Variants in NPDC1 observed in about 807,000 individuals in gnomAD.
NPDC1 encodes neural proliferation differentiation and control protein 1.
A neutral mutation model predicts 32.5 loss-of-function variants in NPDC1; 18 were observed. The ratio of observed to expected loss-of-function variants is 0.55; its 90% CI spans 0.38 to 0.82. The LOEUF (loss-of-function observed/expected upper bound fraction) is 0.82, where lower values mean the gene tolerates loss of function less well. NPDC1 is among the 40% of genes least tolerant of loss of function. NPDC1 has a pLI of 0.00. For missense variants in NPDC1, 468 were observed against 406.6 expected, an observed-to-expected ratio of 1.15 and a Z score of -1.30; for synonymous variants, 210 against 184.7, an observed-to-expected ratio of 1.14 and a Z score of -1.11.
In NPDC1 at chr9:137,042,946, G is replaced by C. The variant is rs1263633974; in HGVS notation, c.240C>G (p.Pro80=). Residue 80 remains proline, a synonymous_variant, in exon 2 of 9, where the codon CCC becomes CCG. Coordinates refer to ENST00000371601, the MANE Select transcript of NPDC1 (RefSeq NM_015392.4). The part of the protein sequence containing the change: ...FQEDQQGLCV[P]RMRRPPGGGR... ...TCGTACCTGGAGGCCGGCGCATCCT[G>C]GGCACACAGAGCCCTTGCTGGTCCT... 6.2e-7 allele frequency: 1 copy of C among 1,604,072 alleles called. No homozygotes were observed. The highest frequency in any genetic ancestry group is 8.5e-7 in the Non-Finnish European group (1 of 1,174,056).
rs761467096 is a variant in NPDC1, at chr9:137,040,414, T to G, written c.731A>C (p.Gln244Pro). Residue 244 changes from glutamine (Q) to proline (P), a missense_variant, in exon 7 of 9, where the codon CAG (glutamine) becomes CCG (proline). Physicochemically the swap from Gln to Pro is moderately conservative, Grantham distance 76 (BLOSUM62 -1). Transcript: ENST00000371601. ...CTGGTAGTGGTACATCTCCGCGCTC[T>G]GTGCCAGCCGCTGGTCCCCAGGCTG... ...RISPGDQRLA[Q>P]SAEMYHYQHQ... 5 of 1,550,424 alleles carry G rather than the reference T, an allele frequency of 3.2e-6. No individual in the cohort carries two copies. In the African/African-American group the frequency reaches 6.8e-5, roughly 21 times the overall value.
At position 137,040,572 on chromosome 9, in the gene NPDC1, T is replaced by G; in HGVS notation, c.650A>C (p.Gln217Pro). ...CTTCGCAGTGGCGTAGTCGGCCTTC[T>G]GAGTCAGGCGGATCTCACGCTGCAG... ...CRLQREIRLT[Q>P]KADYATAKAP... The change falls in exon 6 of 9, where the codon CAG (glutamine) becomes CCG (proline). Residue 217 changes from glutamine to proline, a missense_variant. Physicochemically the swap from Gln to Pro is moderately conservative, Grantham distance 76. Transcript: ENST00000371601. 6.3e-7 allele frequency: 1 copy of G among 1,580,090 alleles called. No homozygotes were observed. The highest frequency in any genetic ancestry group is 8.6e-7 in the Non-Finnish European group (1 of 1,168,902).
chr9:137,039,673 C>T lies in NPDC1; in HGVS notation c.*99G>A, dbSNP rs1733660930. On this transcript the variant is annotated 3_prime_UTR_variant, in exon 9 of 9. Coordinates refer to ENST00000371601, the MANE Select transcript of NPDC1 (RefSeq NM_015392.4). Reference sequence around the variant, plus strand: ...GGAGCCCGAGGCCCAGCCAAAAGCACACAGCATCAAAACATGTTTTTAGTG... The same window carrying T: ...GGAGCCCGAGGCCCAGCCAAAAGCATACAGCATCAAAACATGTTTTTAGTG... 1.6e-6 allele frequency: 1 copy of T among 613,716 alleles called. No homozygotes were observed. The highest frequency in any genetic ancestry group is 2.9e-5 in the Admixed American group (1 of 34,088). The allele number at this position is 613,716 out of a possible 1,614,324, so 38.0% of individuals were successfully genotyped here.
chr9:137,040,375 T>G lies in NPDC1; in HGVS notation c.770A>C (p.Gln257Pro). The change falls in exon 7 of 9, where the codon CAG (glutamine) becomes CCG (proline). Residue 257 changes from glutamine to proline, a missense_variant. Physicochemically the swap from Gln to Pro is moderately conservative, Grantham distance 76. Coordinates refer to ENST00000371601, the MANE Select transcript of NPDC1 (RefSeq NM_015392.4). ...EMYHYQHQRQ[Q>P]MLCLERHKEP... ...CACTCACCGCTCCAGGCACAGCATC[T>G]GTTGCCGTTGGTGCTGGTAGTGGTA... 1 of 1,545,830 alleles carries G rather than the reference T, an allele frequency of 6.5e-7. No individual in the cohort carries two copies. The highest frequency in any genetic ancestry group is 8.7e-7 in the Non-Finnish European group (1 of 1,146,734).
rs1360019710 is a variant in NPDC1, at chr9:137,042,734, T to C, written c.259+193A>G. 5 of 620,182 alleles carry C rather than the reference T, an allele frequency of 8.1e-6. No homozygotes were observed. The African/African-American group carries it at 9.2e-5, about 11-fold the overall frequency. 38.4% of individuals were successfully genotyped at this position (620,182 alleles called of 1,614,324 possible). On this transcript the variant is annotated intron_variant, in intron 2 of 8. Coordinates refer to ENST00000371601, the MANE Select transcript of NPDC1 (RefSeq NM_015392.4). ...GCCACCACACCCGGCTACTTTGTATTTTTAGTAGAGACGGGGTTTCACCAT... is the reference window on the plus strand; with the variant it reads ...GCCACCACACCCGGCTACTTTGTATCTTTAGTAGAGACGGGGTTTCACCAT...
chr9:137,042,917 G>A lies in NPDC1; in HGVS notation c.259+10C>T. 1 of 1,586,936 alleles carries A rather than the reference G, an allele frequency of 6.3e-7. No homozygotes were observed. Among genetic ancestry groups the A allele is most frequent in the Non-Finnish European group, 8.6e-7 (1 of 1,164,942 alleles). ...CATCCCCCCATCGACTTCCCCCTTT[G>A]CTCTCGTACCTGGAGGCCGGCGCAT... On this transcript the variant is annotated intron_variant, in intron 2 of 8. Transcript: ENST00000371601.
rs112920677 is a variant in NPDC1, at chr9:137,045,839, C to T, written c.112+39G>A. ...GGTCCCCGCCCGGCGATCCCGGCCC[C>T]GGGGCGCCCCGCGGCCTGCGCCCAG... is the stretch of plus-strand genomic sequence containing the variant. On this transcript the variant is annotated intron_variant, in intron 1 of 8. Coordinates refer to ENST00000371601, the MANE Select transcript of NPDC1 (RefSeq NM_015392.4). 2.7e-3 allele frequency: 2,654 copies of T among 993,458 alleles called. 65 individuals carry two copies. In the African/African-American group the frequency reaches 0.043, roughly 16 times the overall value. The allele number at this position is 993,458 out of a possible 1,614,324, so 61.5% of individuals were successfully genotyped here.
intron 2 of NPDC1, among the ~76,000 whole-genome samples, chr9:137,042,629 G>A (rs114340242): frequency 0.017 from 2,515 of 144,008 alleles, 71 homozygotes; most frequent in African/African-American, 0.06. Context: ...GTGGTGAATC[G>A]GCTCACTGCA....
In NPDC1 at chr9:137,040,907, G is replaced by A. The variant is rs553346618; in HGVS notation, c.463C>T (p.Pro155Ser). Residue 155 changes from proline (P) to serine (S), a missense_variant, in exon 4 of 9, where the codon CCC (proline) becomes TCC (serine). Coordinates refer to ENST00000371601, the MANE Select transcript of NPDC1 (RefSeq NM_015392.4). ...ACAGGGGAGCCCAGGGAGGTGTGGG[G>A]CGTGGGCGTGGGGGTTCCTGGAGTG... Reference protein sequence around the residue: ...PSTPGTPTPTPHTSLGSPVSS... With the variant: ...PSTPGTPTPTSHTSLGSPVSS... 1.8e-5 allele frequency: 28 copies of A among 1,574,982 alleles called. No individual in the cohort carries two copies. The African/African-American group carries it at 2.2e-4, about 12-fold the overall frequency.
In NPDC1 at chr9:137,040,845, G is replaced by C. The variant is rs140230343; in HGVS notation, c.525C>G (p.Pro175=). The C allele has an allele frequency of 2.2e-4, 349 of 1,596,910 alleles. No individual in the cohort carries two copies. In the African/African-American group the frequency reaches 4.2e-3, roughly 19 times the overall value. The change falls in exon 4 of 9, where the codon CCC becomes CCG. Residue 175 remains proline (P), a synonymous_variant. Transcript: ENST00000371601. ...CGAGGCCGTCGCCTTGCCCTCCCCG[G>C]GGCTCCAGGGGCGACATGTGCACCG... is the stretch of plus-strand genomic sequence containing the variant. ...SDPVHMSPLE[P]RGGQGDGLAL...
chr9:137,045,163 G>C (rs1029365935), intron 1 of NPDC1, among the ~76,000 whole-genome samples: 2 of 152,246 alleles, frequency 1.3e-5, no homozygotes, highest in African/African-American at 2.4e-5. Context: ...GGACCCATCT[G>C]TGCAGGTGAG....
In NPDC1 at chr9:137,042,921, T is replaced by C; in HGVS notation, c.259+6A>G. 1 of 1,589,972 alleles carries C rather than the reference T, an allele frequency of 6.3e-7. No individual in the cohort carries two copies. Among genetic ancestry groups the C allele is most frequent in the African/African-American group, 1.3e-5 (1 of 74,316 alleles). On this transcript the variant is annotated splice_donor_region_variant and intron_variant, in intron 2 of 8. Transcript: ENST00000371601. Reference sequence around the variant, plus strand: ...CCCCCATCGACTTCCCCCTTTGCTCTCGTACCTGGAGGCCGGCGCATCCTG... The same window carrying C: ...CCCCCATCGACTTCCCCCTTTGCTCCCGTACCTGGAGGCCGGCGCATCCTG...
intron 1 of NPDC1, chr9:137,043,585 T>C (rs1479471764): frequency 5.3e-6 from 3 of 566,586 alleles, no homozygotes; most frequent in South Asian, 4.7e-5. Flanking sequence ...GGGATGCTGC[T>C]CCTCCAGCCT....
At position 137,039,729 on chromosome 9, in the gene NPDC1, G is replaced by A; in HGVS notation, c.*43C>T. ...CTCCAGGCCCTGCCCCTCCCCGGGG[G>A]CCTCGAGGTCGGGGAGCAGGTGGGC... On this transcript the variant is annotated 3_prime_UTR_variant, in exon 9 of 9. Coordinates refer to ENST00000371601, the MANE Select transcript of NPDC1 (RefSeq NM_015392.4). 3 of 718,024 alleles carry A rather than the reference G, an allele frequency of 4.2e-6. No homozygotes were observed. The highest frequency in any genetic ancestry group is 2.5e-5 in the East Asian group (1 of 39,874). The allele number at this position is 718,024 out of a possible 1,614,324, so 44.5% of individuals were successfully genotyped here.
intron 1 of NPDC1, chr9:137,043,513 C>T (rs998401867): frequency 8.2e-6 from 5 of 609,054 alleles, no homozygotes; most frequent in Admixed American, 5.8e-5. Context: ...ATGCCGCCAG[C>T]GACCTCTCCT....
intron 7 of NPDC1, 107 bp downstream of exon 7, chr9:137,040,250 G>A: frequency 9.4e-7 from 1 of 1,066,086 alleles, no homozygotes; most frequent in South Asian, 1.5e-5. Context: ...GTGCAGGTGA[G>A]GGTGGCAGGG....
At chr9:137,045,769 G>T (rs1376274892) in intron 1 of NPDC1, 109 bp downstream of exon 1, 2 of 649,602 alleles carry the variant, frequency 3.1e-6, no homozygotes, top group Non-Finnish European at 3.8e-6. Flanking sequence ...GGCCTGCAGG[G>T]CCTGCGGGCC....
rs1832080328 is a variant in NPDC1, at chr9:137,042,964, C to T, written c.222G>A (p.Gln74=). 6.2e-7 allele frequency: 1 copy of T among 1,610,672 alleles called. No individual in the cohort carries two copies. The highest frequency in any genetic ancestry group is 1.1e-5 in the South Asian group (1 of 90,988). Residue 74 remains glutamine, a synonymous_variant, in exon 2 of 9, where the codon CAG becomes CAA. Coordinates refer to ENST00000371601, the MANE Select transcript of NPDC1 (RefSeq NM_015392.4). The stretch of plus-strand genomic sequence containing the variant: ...GCATCCTGGGCACACAGAGCCCTTG[C>T]TGGTCCTCCTGGAAGGGCTGAAGGC... ...GPCLQPFQED[Q]QGLCVPRMRR...
chr9:137,045,967 G>T lies in NPDC1; in HGVS notation c.23C>A (p.Pro8His). The change falls in exon 1 of 9, where the codon CCC (proline) becomes CAC (histidine). Residue 8 changes from proline (P) to histidine (H), a missense_variant. Coordinates refer to ENST00000371601, the MANE Select transcript of NPDC1 (RefSeq NM_015392.4). MATPLPPPSPRHLRLLRL... is the reference protein window; with the variant it reads MATPLPPHSPRHLRLLRL... Reference sequence around the variant, plus strand: ...CAGCAGCCGCAGGTGCCGCGGGGAGGGCGGAGGCAGCGGCGTCGCCATCCT... The same window carrying T: ...CAGCAGCCGCAGGTGCCGCGGGGAGTGCGGAGGCAGCGGCGTCGCCATCCT... 1.7e-6 allele frequency: 2 copies of T among 1,193,508 alleles called. No individual in the cohort carries two copies. The highest frequency in any genetic ancestry group is 4.2e-5 in the South Asian group (1 of 24,032). 73.9% of individuals were successfully genotyped at this position (1,193,508 alleles called of 1,614,324 possible).
Sources: allele counts gnomAD v4.1 joint callset (sites outside exome capture counted in the v4.1 genomes callset), GRCh38; gene constraint gnomAD v4.1.1; transcripts MANE v1.5; gene names NCBI Gene and HGNC (gene_info 2026-07-23, HGNC 2026-07-21).